ACYP2: variants seen among roughly 807,000 people sequenced by gnomAD.
The protein encoded by ACYP2 is acylphosphatase-2.
In ACYP2, 12 loss-of-function variants were observed where a neutral mutation model predicts 11.2. The ratio of observed to expected loss-of-function variants is 1.08; its 90% CI spans 0.69 to 1.74. The LOEUF is 1.74. ACYP2 is among the 40% of genes most tolerant of loss of function. ACYP2 has a pLI of 0.00. For missense variants in ACYP2, 134 were observed against 101.9 expected, an observed-to-expected ratio of 1.31 and a Z score of -1.35; for synonymous variants, 43 against 32.2, an observed-to-expected ratio of 1.33 and a Z score of -1.13.
At chr2:54,270,253 T>C (rs1471903182) in intron 6 of ACYP2, among the ~76,000 whole-genome samples, 1 of 152,220 alleles carries the variant, frequency 6.6e-6, no homozygotes, top group African/African-American at 2.4e-5. Flanking sequence ...TGATTTCCAT[T>C]GTTGCCATAA....
At chr2:54,283,207 G>A (rs1688922066) in intron 6 of ACYP2, among the ~76,000 whole-genome samples, 1 of 152,094 alleles carries the variant, frequency 6.6e-6, no homozygotes, top group Admixed American at 6.5e-5. Context: ...TGAATATCTT[G>A]CCTCAAGATT....
intron 2 of ACYP2, among the ~76,000 whole-genome samples, chr2:53,986,476 A>G (rs1672042877): frequency 6.6e-6 from 1 of 151,376 alleles, no homozygotes; most frequent in Non-Finnish European, 1.5e-5. Context: ...AGCTGGGATT[A>G]CAGACACACA....
chr2:54,004,552 A>T (rs898466995), intron 2 of ACYP2, among the ~76,000 whole-genome samples: 17 of 151,562 alleles, frequency 1.1e-4, no homozygotes, highest in Non-Finnish European at 1.9e-4. Context: ...CTGAGACTAC[A>T]GGCGCCTGCA....
intron 2 of ACYP2, among the ~76,000 whole-genome samples, chr2:54,045,458 G>T (rs1316000539): frequency 2.0e-5 from 3 of 152,134 alleles, no homozygotes; most frequent in Non-Finnish European, 4.4e-5. Flanking sequence ...AGAGGAGCAG[G>T]CTAATTAAAA....
intron 6 of ACYP2, among the ~76,000 whole-genome samples, chr2:54,162,667 A>C (rs1682771193): frequency 6.6e-6 from 1 of 152,110 alleles, no homozygotes; most frequent in Admixed American, 6.5e-5. Context: ...CTACATAAAA[A>C]AATTTCCTCC....
chr2:54,094,403 T>C (rs1246410853), intron 4 of ACYP2, among the ~76,000 whole-genome samples: 1 of 152,048 alleles, frequency 6.6e-6, no homozygotes, highest in African/African-American at 2.4e-5. Flanking sequence ...AATTTTTTTG[T>C]ATTTTTAGTA....
chr2:53,973,626 A>C, intron 1 of ACYP2: 1 of 198,286 alleles, frequency 5.0e-6, no homozygotes, highest in Non-Finnish European at 1.0e-5. Flanking sequence ...CCCTGCCCCC[A>C]AAACATTGCA....
chr2:54,190,756 A>G (rs1333995923), intron 6 of ACYP2, among the ~76,000 whole-genome samples: 10 of 152,132 alleles, frequency 6.6e-5, no homozygotes, highest in Admixed American at 5.2e-4. Flanking sequence ...GTTTATATCT[A>G]GACCTGAACT....
At chr2:53,996,918 T>G (rs1180494417) in intron 2 of ACYP2, among the ~76,000 whole-genome samples, 1 of 152,220 alleles carries the variant, frequency 6.6e-6, no homozygotes, top group Non-Finnish European at 1.5e-5. Context: ...TGCTCAAAAA[T>G]GTTGCGTCTC....
chr2:53,978,503 C>T (rs773144976), intron 2 of ACYP2, among the ~76,000 whole-genome samples: 2 of 152,042 alleles, frequency 1.3e-5, no homozygotes, highest in African/African-American at 4.8e-5. Flanking sequence ...TTCCTATAAC[C>T]GAGTGTGGGT....
intron 2 of ACYP2, among the ~76,000 whole-genome samples, chr2:53,976,363 A>G (rs1054298715): frequency 6.6e-6 from 1 of 152,146 alleles, no homozygotes; most frequent in African/African-American, 2.4e-5. Context: ...GCATGCTACC[A>G]TGTCCGGCTA....
intron 6 of ACYP2, among the ~76,000 whole-genome samples, chr2:54,161,255 G>A (rs1682697694): frequency 6.6e-6 from 1 of 152,160 alleles, no homozygotes; most frequent in South Asian, 2.1e-4. Flanking sequence ...CTTTTACATG[G>A]CAACTAAATT....
intron 6 of ACYP2, among the ~76,000 whole-genome samples, chr2:54,249,392 G>A (rs1044724809): frequency 1.2e-4 from 17 of 147,568 alleles, no homozygotes; most frequent in South Asian, 2.1e-4. Context: ...CCAAGATCGC[G>A]CCACTGCACA....
intron 6 of ACYP2, among the ~76,000 whole-genome samples, chr2:54,171,268 T>C (rs1242976899): frequency 6.6e-6 from 1 of 152,052 alleles, no homozygotes; most frequent in Non-Finnish European, 1.5e-5. Flanking sequence ...ATAAAACTAC[T>C]CAGAAGGGCT....
rs763026525 is a variant in ACYP2 at position 54,083,895 on chromosome 2, G to A, written c.277+26535G>A. The stretch of plus-strand genomic sequence containing the variant: ...GTCTGATGCTTGTACAGTTTTGAGC[G>A]CTCTCTTTAGAAAGAGAATGCAAGA... On this transcript the variant is annotated intron_variant, in intron 4 of 6. Transcript: ENST00000607452. 4.9e-4 allele frequency among the ~76,000 whole-genome samples: 75 copies of A among 152,170 alleles called. 2 individuals carry two copies. Among genetic ancestry groups the A allele is most frequent in the East Asian group, 1.9e-4 (1 of 5,172 alleles).
intron 6 of ACYP2, among the ~76,000 whole-genome samples, chr2:54,258,615 G>C (rs1687653530): frequency 6.6e-6 from 1 of 152,136 alleles, no homozygotes; most frequent in Admixed American, 6.5e-5. Flanking sequence ...TAATCTGTAT[G>C]GTGGCAATGG....
intron 4 of ACYP2, among the ~76,000 whole-genome samples, chr2:54,090,975 G>A (rs750536076): frequency 5.3e-5 from 8 of 152,180 alleles, no homozygotes; most frequent in Non-Finnish European, 1.0e-4. Context: ...TTTCCATGAT[G>A]TTGCCTTGGA....
intron 4 of ACYP2, among the ~76,000 whole-genome samples, chr2:54,100,776 G>T (rs1678849979): frequency 1.3e-5 from 2 of 152,034 alleles, no homozygotes; most frequent in Non-Finnish European, 2.9e-5. Flanking sequence ...TCTATTTTTT[G>T]AATAATGGTA....
intron 2 of ACYP2, among the ~76,000 whole-genome samples, chr2:54,023,392 T>A (rs1674105779): frequency 6.6e-6 from 1 of 152,194 alleles, no homozygotes; most frequent in South Asian, 2.1e-4. Flanking sequence ...TAGGCTCAAG[T>A]AGTCCTTTTG....
Sources: allele counts gnomAD v4.1 joint callset (sites outside exome capture counted in the v4.1 genomes callset), GRCh38; gene constraint gnomAD v4.1.1; transcripts MANE v1.5; gene names NCBI Gene and HGNC (gene_info 2026-07-23, HGNC 2026-07-21).